The following TRPM6 variants were observed in gnomAD, a reference collection of about 807,000 sequenced individuals.
TRPM6 encodes the protein channel kinase 2.
In TRPM6, 111 loss-of-function variants were observed where a neutral mutation model predicts 247.6. That is an observed-to-expected ratio of 0.45 (90% confidence interval 0.38 to 0.52). TRPM6 has a LOEUF of 0.52. TRPM6 is among the 20% of genes least tolerant of loss of function. TRPM6 has a pLI of 0.00. For synonymous variants in TRPM6, 892 were observed against 853.8 expected (o/e 1.04, Z -0.78); for missense variants, 2,126 against 2,421.5 (o/e 0.88, Z 2.56).
At chr9:74,778,120 T>C (rs1827289451) in intron 23 of TRPM6, among the ~76,000 whole-genome samples, 1 of 152,166 alleles carries the variant, frequency 6.6e-6, no homozygotes, top group South Asian at 2.1e-4. Flanking sequence ...GTGTCGGTGC[T>C]GCATTTGGCT....
intron 14 of TRPM6, chr9:74,804,391 A>G: frequency 2.0e-6 from 1 of 495,702 alleles, no homozygotes; most frequent in Non-Finnish European, 3.6e-6. Flanking sequence ...CATTGCCATT[A>G]GCAGGAAGTT....
chr9:74,855,629 G>T, intron 2 of TRPM6, 64 bp from the exon 3 acceptor site: 1 of 1,008,318 alleles, frequency 9.9e-7, no homozygotes, highest in Non-Finnish European at 1.6e-6. Context: ...TTTAATGCTT[G>T]TACAGTAAAT....
intron 1 of TRPM6, among the ~76,000 whole-genome samples, chr9:74,872,469 G>A (rs1340019077): frequency 6.6e-6 from 1 of 151,964 alleles, no homozygotes; most frequent in Non-Finnish European, 1.5e-5. Context: ...TCATTCCTGT[G>A]CCCAAGCTGG....
At chr9:74,842,744 G>A (rs1005736588) in intron 3 of TRPM6, among the ~76,000 whole-genome samples, 7 of 152,130 alleles carry the variant, frequency 4.6e-5, no homozygotes, top group Admixed American at 1.3e-4. Context: ...AAAAAACAAC[G>A]TACATAACTT....
At chr9:74,812,566 G>T in intron 11 of TRPM6, 133 bp from the exon 12 acceptor site, 33 of 636,358 alleles carry the variant, frequency 5.2e-5, no homozygotes, top group Middle Eastern at 4.7e-4. Context: ...AGTGGGTACA[G>T]AAAAAAAAAA....
intron 20 of TRPM6, among the ~76,000 whole-genome samples, chr9:74,787,475 C>A (rs1827733919): frequency 6.6e-6 from 1 of 151,450 alleles, no homozygotes; most frequent in African/African-American, 2.4e-5. Context: ...AAAAAGGGTA[C>A]AATTCAGATA....
chr9:74,832,346 A>C (rs1252025777), intron 6 of TRPM6, among the ~76,000 whole-genome samples: 1 of 152,222 alleles, frequency 6.6e-6, no homozygotes, highest in African/African-American at 2.4e-5. Context: ...AACCCATCAC[A>C]ATATATGAAA....
chr9:74,762,842 T>G lies in TRPM6; in HGVS notation c.3829A>C (p.Ser1277Arg), dbSNP rs1416254551. 1.2e-6 allele frequency: 2 copies of G among 1,613,978 alleles called. No individual in the cohort carries two copies. Among genetic ancestry groups the G allele is most frequent in the Non-Finnish European group, 1.7e-6 (2 of 1,180,002 alleles). The change falls in exon 26 of 39, where the codon AGC (serine) becomes CGC (arginine). Residue 1277 changes from serine (S) to arginine (R), a missense_variant. Coordinates refer to ENST00000360774, the MANE Select transcript of TRPM6 (RefSeq NM_017662.5). Reference protein sequence around the residue: ...IAGEKKYQYYSMPSSLLRSLA... With the variant: ...IAGEKKYQYYRMPSSLLRSLA... ...CTCCTCAGCAAAGAAGAGGGCATGC[T>G]ATAATACTGGTATTTCTTCTCTCCA...
chr9:74,847,409 T>C (rs887758545), intron 3 of TRPM6, among the ~76,000 whole-genome samples: 1 of 152,122 alleles, frequency 6.6e-6, no homozygotes, highest in Admixed American at 6.6e-5. Flanking sequence ...CTTGAACTCC[T>C]GGGCTCCAAC....
At chr9:74,754,564 G>T (rs952244897) in intron 28 of TRPM6, among the ~76,000 whole-genome samples, 1 of 152,102 alleles carries the variant, frequency 6.6e-6, no homozygotes, top group Non-Finnish European at 1.5e-5. Context: ...ATCACCCCTT[G>T]GTTGAGAACC....
chr9:74,840,303 T>G lies in TRPM6; in HGVS notation c.331-66A>C, dbSNP rs1829889634. The G allele has an allele frequency of 6.7e-6, 8 of 1,189,020 alleles. No individual in the cohort carries two copies. In the South Asian group the frequency reaches 1.0e-4, roughly 15 times the overall value. The allele number at this position is 1,189,020 out of a possible 1,614,324, so 73.7% of individuals were successfully genotyped here. The stretch of plus-strand genomic sequence containing the variant: ...AAAGTTATGCCAGGCACAGAAACAA[T>G]GAGCACACAGCAGGGCAACTGAAAT... On this transcript the variant is annotated intron_variant, in intron 4 of 38. Coordinates refer to ENST00000360774, the MANE Select transcript of TRPM6 (RefSeq NM_017662.5).
At chr9:74,851,062 T>G (rs1830292908) in intron 3 of TRPM6, among the ~76,000 whole-genome samples, 1 of 152,196 alleles carries the variant, frequency 6.6e-6, no homozygotes, top group Non-Finnish European at 1.5e-5. Context: ...TTAAGTATAT[T>G]TCTATTCTGA....
chr9:74,795,790 CAA>C lies in TRPM6; in HGVS notation c.2391+949_2391+950del, dbSNP rs78360173. On this transcript the variant is annotated intron_variant, in intron 18 of 38. Coordinates refer to ENST00000360774, the MANE Select transcript of TRPM6 (RefSeq NM_017662.5). ...CTAAAAAGATCTAAATTTCACATGGCAAAGTTATTCTGCCTGTAGAAATTTCA... is the reference window on the plus strand; with the variant it reads ...CTAAAAAGATCTAAATTTCACATGGCAGTTATTCTGCCTGTAGAAATTTCA... 3.6e-4 allele frequency among the ~76,000 whole-genome samples: 55 copies of C among 152,282 alleles called. No homozygotes were observed. The East Asian group carries it at 7.5e-3, about 21-fold the overall frequency.
At chr9:74,856,743 T>C (rs910354572) in intron 2 of TRPM6, among the ~76,000 whole-genome samples, 6 of 152,128 alleles carry the variant, frequency 3.9e-5, no homozygotes, top group African/African-American at 1.4e-4. Context: ...AAACAAACTT[T>C]TATCGATATT....
chr9:74,728,391 G>T (rs1469646566), intron 37 of TRPM6, 46 bp from the exon 38 acceptor site: 3 of 1,356,910 alleles, frequency 2.2e-6, no homozygotes, highest in South Asian at 2.3e-5. Context: ...CTAAGAAAAA[G>T]GAGCTCAACT....
chr9:74,877,613 A>G (rs1587608111), intron 1 of TRPM6, among the ~76,000 whole-genome samples: 1 of 151,744 alleles, frequency 6.6e-6, no homozygotes. Context: ...CCCACAGCCC[A>G]CCTCCACTGT....
chr9:74,825,074 A>T (rs1347920655), intron 7 of TRPM6, among the ~76,000 whole-genome samples: 2 of 152,176 alleles, frequency 1.3e-5, no homozygotes, highest in Non-Finnish European at 2.9e-5. Flanking sequence ...AGCCTGGCCA[A>T]CATGGTAAAA....
At chr9:74,851,027 T>A (rs1046193423) in intron 3 of TRPM6, among the ~76,000 whole-genome samples, 18 of 152,240 alleles carry the variant, frequency 1.2e-4, no homozygotes, top group Non-Finnish European at 2.9e-5. Flanking sequence ...ATAAGGCAGT[T>A]CTTTAGTGCA....
At chr9:74,783,994 G>A (rs1017669394) in intron 21 of TRPM6, among the ~76,000 whole-genome samples, 1 of 152,134 alleles carries the variant, frequency 6.6e-6, no homozygotes, top group African/African-American at 2.4e-5. Flanking sequence ...AGTAGCTCAC[G>A]CCTGTAATCC....
Sources: gnomAD v4.1 joint callset for allele counts (sites outside exome capture counted in the v4.1 genomes callset) on GRCh38, gnomAD v4.1.1 for gene constraint, MANE v1.5 for transcripts, NCBI Gene and HGNC (gene_info 2026-07-23, HGNC 2026-07-21) for gene names.